The following SORBS2 variants were observed in gnomAD, a reference collection of about 807,000 sequenced individuals.
The protein encoded by SORBS2 is sorbin and SH3 domain containing 2, also known as sorbin and SH3 domain-containing protein 2.
SORBS2 carries 46 observed loss-of-function variants against 97.7 expected under a neutral mutation model. The observed-to-expected ratio is 0.47, with a 90% CI of 0.37 to 0.60. SORBS2 has a LOEUF of 0.60. Among genes scored for constraint, SORBS2 ranks in the 20% least tolerant of loss-of-function variants. The pLI is 0.00. For synonymous variants in SORBS2, 476 were observed against 473.4 expected (o/e 1.01, Z -0.07); for missense variants, 1,316 against 1,282.3 (o/e 1.03, Z -0.40).
intron 1 of SORBS2, among the ~76,000 whole-genome samples, chr4:185,851,461 G>T (rs892625483): frequency 1.3e-5 from 2 of 152,186 alleles, no homozygotes; most frequent in African/African-American, 4.8e-5. Flanking sequence ...GCAAGGGGTT[G>T]CACTTACAAG....
At chr4:185,761,314 C>G (rs1391835428) in intron 2 of SORBS2, among the ~76,000 whole-genome samples, 1 of 152,230 alleles carries the variant, frequency 6.6e-6, no homozygotes, top group African/African-American at 2.4e-5. Context: ...TCACATTCAA[C>G]TTCCATAGAT....
intron 1 of SORBS2, among the ~76,000 whole-genome samples, chr4:185,821,146 C>A (rs2099196588): frequency 6.6e-6 from 1 of 152,186 alleles, no homozygotes; most frequent in Non-Finnish European, 1.5e-5. Flanking sequence ...GCAGAGGGAA[C>A]AAATGAACCG....
chr4:185,902,688 TAAAAAAA>T (rs79092738), intron 1 of SORBS2, among the ~76,000 whole-genome samples: 2 of 139,802 alleles, frequency 1.4e-5, no homozygotes, highest in Admixed American at 7.2e-5. Flanking sequence ...TGTTTTTACT[TAAAAAAA>T]AAAAAAAAAG....
At chr4:185,658,439 C>T (rs2097446795), upstream of SORBS2, among the ~76,000 whole-genome samples, 1 of 152,048 alleles carries the variant, frequency 6.6e-6, no homozygotes, top group African/African-American at 2.4e-5. Flanking sequence ...TATTACCGTT[C>T]CTCTGGTATG....
chr4:185,784,193 G>A (rs1401966363), intron 1 of SORBS2, among the ~76,000 whole-genome samples: 2 of 152,008 alleles, frequency 1.3e-5, no homozygotes, highest in African/African-American at 2.4e-5. Context: ...GTGCAGTGAC[G>A]GGATCTCAGC....
chr4:185,838,696 T>A (rs1468434335), intron 1 of SORBS2, among the ~76,000 whole-genome samples: 2 of 152,222 alleles, frequency 1.3e-5, no homozygotes, highest in Non-Finnish European at 2.9e-5. Context: ...TGGGATGGCA[T>A]GTCCGCTATC....
chr4:185,882,917 T>C (rs1258811440), intron 1 of SORBS2, among the ~76,000 whole-genome samples: 2 of 152,084 alleles, frequency 1.3e-5, no homozygotes, highest in Non-Finnish European at 2.9e-5. Context: ...AAGTGGATCA[T>C]AGAAATACAT....
At chr4:185,805,235 A>G (rs1290460369) in intron 1 of SORBS2, among the ~76,000 whole-genome samples, 2 of 152,100 alleles carry the variant, frequency 1.3e-5, no homozygotes, top group Admixed American at 1.3e-4. Flanking sequence ...AAGACTATAT[A>G]TATATATATG....
intron 2 of SORBS2, among the ~76,000 whole-genome samples, chr4:185,764,429 A>G (rs1295792471): frequency 1.3e-5 from 2 of 152,310 alleles, no homozygotes; most frequent in East Asian, 3.9e-4. Context: ...AAAGATACAC[A>G]CTACAAAAAC....
chr4:185,892,755 G>A (rs1464363541), intron 1 of SORBS2, among the ~76,000 whole-genome samples: 1 of 152,186 alleles, frequency 6.6e-6, no homozygotes, highest in Admixed American at 6.5e-5. Flanking sequence ...AATGGTGGTT[G>A]CCAGAGGCTA....
intron 1 of SORBS2, among the ~76,000 whole-genome samples, chr4:185,938,182 G>A (rs1473133618): frequency 1.3e-5 from 2 of 151,656 alleles, no homozygotes; most frequent in Non-Finnish European, 2.9e-5. Context: ...ATTTTTTGTA[G>A]CGATGAGGCT....
In SORBS2 at chr4:185,623,806, T is replaced by A. The variant is rs1357158160; in HGVS notation, c.1323A>T (p.Glu441Asp). The stretch of plus-strand genomic sequence containing the variant: ...TGGGACATAGGCCATTTTGCGGTGG[T>A]TCTAGGGTTACGGGAGACAGCATGT... The change falls in exon 7 of 15, where the codon GAA becomes GAT. Residue 441 changes from glutamate to aspartate, a missense_variant. Transcript: ENST00000418609. The surrounding 1 kb of genome is among the most constrained non-coding windows in gnomAD (Gnocchi z 6.4). The A allele has an allele frequency of 1.2e-6, 2 of 1,613,794 alleles. No homozygotes were observed. The highest frequency in any genetic ancestry group is 1.3e-5 in the African/African-American group (1 of 74,938).
chr4:185,603,777 A>G (rs1448263471), intron 12 of SORBS2, among the ~76,000 whole-genome samples: 1 of 152,238 alleles, frequency 6.6e-6, no homozygotes, highest in African/African-American at 2.4e-5. Context: ...TTTTGTTAAA[A>G]TAATTTTTTA....
At chr4:185,639,869 C>A (rs2310324) in intron 4 of SORBS2, among the ~76,000 whole-genome samples, 4 of 151,942 alleles carry the variant, frequency 2.6e-5, no homozygotes, top group Non-Finnish European at 5.9e-5. Flanking sequence ...GGGACTTAAA[C>A]TGAATAGCGA....
In SORBS2 at chr4:185,621,630, A is replaced by G. The variant is rs187013969; in HGVS notation, c.2215+1284T>C. On this transcript the variant is annotated intron_variant, in intron 7 of 14. Coordinates refer to ENST00000418609, the Ensembl canonical transcript of SORBS2. ...TTCAGCCTAAGGGTAGGCAAAGATAAACGTAAGTGTATAGTGTAGCAAAAG... is the reference window on the plus strand; with the variant it reads ...TTCAGCCTAAGGGTAGGCAAAGATAGACGTAAGTGTATAGTGTAGCAAAAG... Among the ~76,000 whole-genome samples the G allele has an allele frequency of 4.5e-3, 654 of 144,894 alleles. 4 individuals are homozygous for G. Among genetic ancestry groups the G allele is most frequent in the African/African-American group, 0.014 (522 of 37,450 alleles).
At chr4:185,912,654 T>G (rs1291879695) in intron 1 of SORBS2, among the ~76,000 whole-genome samples, 2 of 149,328 alleles carry the variant, frequency 1.3e-5, no homozygotes, top group African/African-American at 2.5e-5. Context: ...GAAAGGGTAT[T>G]CAAAACAAGA....
chr4:185,912,031 G>A (rs1419247958), intron 1 of SORBS2, among the ~76,000 whole-genome samples: 1 of 152,202 alleles, frequency 6.6e-6, no homozygotes, highest in East Asian at 1.9e-4. Context: ...ACTCAGAAGA[G>A]CTGGACTTTG....
At chr4:185,795,666 G>A (rs1026582015) in intron 1 of SORBS2, among the ~76,000 whole-genome samples, 2 of 152,194 alleles carry the variant, frequency 1.3e-5, no homozygotes, top group African/African-American at 4.8e-5. Flanking sequence ...GGTGTCATCT[G>A]TTTCCTTTTA....
At chr4:185,651,955 C>T (rs2097322510) in intron 2 of SORBS2, 127 bp from the exon 11 acceptor site, 1 of 637,410 alleles carries the variant, frequency 1.6e-6, no homozygotes, top group African/African-American at 1.9e-5. Context: ...TTCATAATGC[C>T]ATTTTCTTTC....
Sources: allele counts gnomAD v4.1 joint callset (sites outside exome capture counted in the v4.1 genomes callset), GRCh38; gene constraint gnomAD v4.1.1; non-coding constraint Gnocchi (gnomAD v3.1); transcripts MANE v1.5; gene names NCBI Gene and HGNC (gene_info 2026-07-23, HGNC 2026-07-21).